The following PLXNA4 variants were observed in gnomAD, a reference collection of about 807,000 sequenced individuals.
PLXNA4 encodes the protein plexin A4.
A neutral mutation model predicts 191.8 loss-of-function variants in PLXNA4; 44 were observed. The ratio of observed to expected loss-of-function variants is 0.23; its 90% CI spans 0.18 to 0.29. PLXNA4 has a LOEUF of 0.29. PLXNA4 is among the 10% of genes least tolerant of loss of function. PLXNA4 has a pLI of 1.00. For missense variants in PLXNA4, 1,800 were observed against 2,488.8 expected, an observed-to-expected ratio of 0.72 and a Z score of 5.89; for synonymous variants, 1,082 against 1,009.5, an observed-to-expected ratio of 1.07 and a Z score of -1.36.
chr7:132,545,765 G>C (rs564310186), intron 1 of PLXNA4, among the ~76,000 whole-genome samples: 1 of 152,334 alleles, frequency 6.6e-6, no homozygotes, highest in South Asian at 2.1e-4. Flanking sequence ...ATAGGGTAGA[G>C]GAGGCTAAGA....
intron 1 of PLXNA4, among the ~76,000 whole-genome samples, chr7:132,562,510 TCTC>T (rs1175480964): frequency 7.7e-5 from 5 of 65,110 alleles, no homozygotes; most frequent in Admixed American, 1.5e-4. Flanking sequence ...TCCTCCTCCT[TCTC>T]CTCCTCTTCC....
Position 132,128,972 on chromosome 7 carries a change from C to T in PLXNA4, c.*1507G>A, listed in dbSNP as rs1482839218. The T allele has an allele frequency of 6.6e-6, 1 of 152,248 alleles. No individual in the cohort carries two copies. Among genetic ancestry groups the T allele is most frequent in the Non-Finnish European group, 1.5e-5 (1 of 68,052 alleles). 9.4% of individuals were successfully genotyped at this position (152,248 alleles called of 1,614,324 possible). ...AGGTTCCTAGAACCCTCCATTAGAC[C>T]ATCTCTCCCCATAGCCTCTGCTTAC... On this transcript the variant is annotated 3_prime_UTR_variant, in exon 32 of 32. Coordinates refer to ENST00000321063, the MANE Select transcript of PLXNA4 (RefSeq NM_020911.2).
In PLXNA4 at chr7:132,393,483, A is replaced by G. The variant is rs549166130; in HGVS notation, c.1372-95261T>C. Among the ~76,000 whole-genome samples, 29 of 152,302 alleles carry G rather than the reference A, an allele frequency of 1.9e-4. No individual in the cohort carries two copies. In the East Asian group the frequency reaches 5.2e-3, roughly 27 times the overall value. On this transcript the variant is annotated intron_variant, in intron 3 of 31. Transcript: ENST00000321063. ...CTGGATTTGGGCATGGCTGATTATC[A>G]TGGGAGCACCCTTCCTCCCAACAAG... is the stretch of plus-strand genomic sequence containing the variant.
At chr7:132,445,544 G>T (rs1202953276) in intron 3 of PLXNA4, among the ~76,000 whole-genome samples, 3 of 151,848 alleles carry the variant, frequency 2.0e-5, no homozygotes, top group Non-Finnish European at 4.4e-5. Context: ...AGAATTTATT[G>T]CATCTGAGCA....
At chr7:132,444,911 C>A (rs1795839901) in intron 3 of PLXNA4, among the ~76,000 whole-genome samples, 2 of 151,776 alleles carry the variant, frequency 1.3e-5, no homozygotes, top group Non-Finnish European at 2.9e-5. Context: ...CTCCTGTAAT[C>A]CCAACACTTT....
intron 9 of PLXNA4, among the ~76,000 whole-genome samples, chr7:132,218,243 G>A (rs773654484): frequency 6.6e-6 from 1 of 152,252 alleles, no homozygotes; most frequent in East Asian, 1.9e-4. Flanking sequence ...GGGGTGTTGG[G>A]GTATTAGGGG....
intron 25 of PLXNA4, among the ~76,000 whole-genome samples, chr7:132,150,972 G>C (rs1795579258): frequency 6.6e-6 from 1 of 152,178 alleles, no homozygotes; most frequent in Non-Finnish European, 1.5e-5. Context: ...TATCCAAAAA[G>C]ACTGGGTAGA....
chr7:132,384,523 G>A, intron 3 of PLXNA4: 1 of 986,854 alleles, frequency 1.0e-6, no homozygotes, highest in Non-Finnish European at 1.2e-6. Flanking sequence ...AAAGGAGACT[G>A]GACAACACCA....
chr7:132,338,441 T>C (rs1424671812), intron 3 of PLXNA4, among the ~76,000 whole-genome samples: 1 of 152,230 alleles, frequency 6.6e-6, no homozygotes, highest in Non-Finnish European at 1.5e-5. Flanking sequence ...ACCTCTGACG[T>C]TGTCAAAGCC....
chr7:132,584,686 T>G (rs1435714454), intron 2 of PLXNA4, among the ~76,000 whole-genome samples: 1 of 152,224 alleles, frequency 6.6e-6, no homozygotes, highest in Non-Finnish European at 1.5e-5. Context: ...TAGGACATTT[T>G]GGAAGGATAC....
Position 132,149,195 on chromosome 7 carries a change from A to T in PLXNA4, c.4661-549T>A, listed in dbSNP as rs145818851. Among the ~76,000 whole-genome samples, 379 of 151,888 alleles carry T rather than the reference A, an allele frequency of 2.5e-3. 4 individuals carry two copies. Among genetic ancestry groups the T allele is most frequent in the African/African-American group, 8.9e-3 (368 of 41,398 alleles). On this transcript the variant is annotated intron_variant, in intron 25 of 31. Transcript: ENST00000321063. Reference sequence around the variant, plus strand: ...AAAGAGTGTGGAAAAAATCAGCAAAACCCATTCTCACGCCCATGAACATCC... The same window carrying T: ...AAAGAGTGTGGAAAAAATCAGCAAATCCCATTCTCACGCCCATGAACATCC...
At chr7:132,233,342 T>C (rs770811145) in intron 5 of PLXNA4, among the ~76,000 whole-genome samples, 10 of 152,140 alleles carry the variant, frequency 6.6e-5, no homozygotes, top group Non-Finnish European at 1.3e-4. Flanking sequence ...TATAGGATCC[T>C]TCCTAGGCAG....
intron 4 of PLXNA4, among the ~76,000 whole-genome samples, chr7:132,252,773 T>C (rs2117087881): frequency 6.6e-6 from 1 of 152,332 alleles, no homozygotes; most frequent in Non-Finnish European, 1.5e-5. Flanking sequence ...TGGCTGTGGA[T>C]ATTCACTGTG....
At chr7:132,472,416 T>G (rs1054683152) in intron 3 of PLXNA4, among the ~76,000 whole-genome samples, 1 of 152,234 alleles carries the variant, frequency 6.6e-6, no homozygotes, top group African/African-American at 2.4e-5. Context: ...ATCATATTTT[T>G]AATTCCCTCC....
At chr7:132,277,627 C>A (rs537851859) in intron 4 of PLXNA4, among the ~76,000 whole-genome samples, 1 of 152,260 alleles carries the variant, frequency 6.6e-6, no homozygotes, top group Non-Finnish European at 1.5e-5. Flanking sequence ...AAACTGTTGG[C>A]GGTTTATGCT....
At chr7:132,247,218 G>A (rs780912088) in intron 4 of PLXNA4, among the ~76,000 whole-genome samples, 1 of 152,174 alleles carries the variant, frequency 6.6e-6, no homozygotes, top group East Asian at 1.9e-4. Context: ...ATAGCATGCA[G>A]TCTCTGTGTG....
rs938714413 is a variant in PLXNA4, at chr7:132,129,172, G to A, written c.*1307C>T. 1.3e-5 allele frequency: 2 copies of A among 152,248 alleles called. No homozygotes were observed. The highest frequency in any genetic ancestry group is 4.8e-5 in the African/African-American group (2 of 41,460). 9.4% of individuals were successfully genotyped at this position (152,248 alleles called of 1,614,324 possible). A position where few individuals can be genotyped will look rare whatever the true frequency, so the allele number is the denominator to read the frequency against. ...TGTCCCTCCCAGATCTGACAAGCTG[G>A]AGGCTGAGGTTGGCTGGCATTTTGG... On this transcript the variant is annotated 3_prime_UTR_variant, in exon 32 of 32. Coordinates refer to ENST00000321063, the MANE Select transcript of PLXNA4 (RefSeq NM_020911.2).
intron 3 of PLXNA4, among the ~76,000 whole-genome samples, chr7:132,451,393 C>A (rs1471343922): frequency 2.0e-5 from 3 of 152,178 alleles, no homozygotes. Flanking sequence ...ACATCAGTAT[C>A]CCCTTCACCA....
At chr7:132,624,175 T>G (rs916961651) in intron 2 of PLXNA4, among the ~76,000 whole-genome samples, 27 of 152,324 alleles carry the variant, frequency 1.8e-4, no homozygotes, top group African/African-American at 6.0e-4. Context: ...CCCAAGGCAG[T>G]TGCAAGACTG....
Sources: allele counts gnomAD v4.1 joint callset (sites outside exome capture counted in the v4.1 genomes callset), GRCh38; gene constraint gnomAD v4.1.1; transcripts MANE v1.5; gene names NCBI Gene and HGNC (gene_info 2026-07-23, HGNC 2026-07-21).